Variants in EPHB1 observed in about 807,000 individuals in gnomAD.
EPHB1 encodes EPH receptor B1, also known as ephrin type-B receptor 1.
EPHB1 carries 30 observed loss-of-function variants against 94.4 expected under a neutral mutation model. The ratio of observed to expected loss-of-function variants is 0.32; its 90% CI spans 0.24 to 0.43. EPHB1 has a LOEUF of 0.43. Among genes scored for constraint, EPHB1 ranks in the 20% least tolerant of loss-of-function variants. The pLI is 1.00. For missense variants in EPHB1, 1,055 were observed against 1,308.3 expected, an observed-to-expected ratio of 0.81 and a Z score of 2.99; for synonymous variants, 522 against 489.1, an observed-to-expected ratio of 1.07 and a Z score of -0.89.
intron 3 of EPHB1, among the ~76,000 whole-genome samples, chr3:135,052,981 ATG>A (rs1300255342): frequency 9.1e-6 from 1 of 109,884 alleles, no homozygotes; most frequent in Non-Finnish European, 1.7e-5. Context: ...GTGTATATAT[ATG>A]TGTGTGTATA....
intron 1 of EPHB1, among the ~76,000 whole-genome samples, chr3:134,903,485 G>T (rs923334751): frequency 6.6e-6 from 1 of 152,222 alleles, no homozygotes; most frequent in Non-Finnish European, 1.5e-5. Context: ...GTGAGCACCG[G>T]CACTTTTAGC....
chr3:135,240,040 C>T (rs1943743805), intron 12 of EPHB1, among the ~76,000 whole-genome samples: 1 of 152,166 alleles, frequency 6.6e-6, no homozygotes, highest in Non-Finnish European at 1.5e-5. Context: ...TTAACCACCA[C>T]CAGAAACTGC....
intron 1 of EPHB1, among the ~76,000 whole-genome samples, chr3:134,904,249 C>T (rs147966497): frequency 1.6e-4 from 25 of 152,342 alleles, no homozygotes; most frequent in Admixed American, 4.6e-4. Flanking sequence ...CGCAACACAT[C>T]GCCTGTTTGC....
chr3:135,195,468 A>G (rs369049959), intron 11 of EPHB1, among the ~76,000 whole-genome samples: 2 of 151,328 alleles, frequency 1.3e-5, no homozygotes, highest in African/African-American at 2.5e-5. Flanking sequence ...ATATCTCCCA[A>G]TGCTATCCCT....
chr3:135,068,657 T>TG lies in EPHB1; in HGVS notation c.806-37791_806-37790insG, dbSNP rs368773116. ...GCACAGAAGTTTTTAATTTTTTTTT[T>TG]TTTGTTTTTGAGACTGAGTCTTGCT... On this transcript the variant is annotated intron_variant, in intron 3 of 15. Coordinates refer to ENST00000398015, the MANE Select transcript of EPHB1 (RefSeq NM_004441.5). Among the ~76,000 whole-genome samples the TG allele has an allele frequency of 6.3e-3, 927 of 147,330 alleles. 15 individuals are homozygous for TG. The highest frequency in any genetic ancestry group is 0.024 in the African/African-American group (900 of 37,044).
intron 3 of EPHB1, among the ~76,000 whole-genome samples, chr3:135,027,163 G>T (rs1298676416): frequency 2.0e-5 from 3 of 151,066 alleles, no homozygotes; most frequent in Non-Finnish European, 4.4e-5. Flanking sequence ...TCTGCAAACA[G>T]GGACAATTTG....
At chr3:135,001,288 G>C (rs1482482075) in intron 3 of EPHB1, among the ~76,000 whole-genome samples, 1 of 152,188 alleles carries the variant, frequency 6.6e-6, no homozygotes, top group East Asian at 1.9e-4. Context: ...GGAATCAAGA[G>C]GCTACAAGGC....
At chr3:135,144,217 A>C (rs1196936942) in intron 5 of EPHB1, among the ~76,000 whole-genome samples, 1 of 152,196 alleles carries the variant, frequency 6.6e-6, no homozygotes, top group South Asian at 2.1e-4. Flanking sequence ...GACTTGGGGA[A>C]GTCATTTTCC....
At chr3:134,845,108 TG>T (rs1333103966) in intron 1 of EPHB1, among the ~76,000 whole-genome samples, 2 of 152,256 alleles carry the variant, frequency 1.3e-5, no homozygotes, top group Non-Finnish European at 2.9e-5. Flanking sequence ...ATACTGGATG[TG>T]GAGTATTCTA....
chr3:135,193,109 A>T (rs915294107), intron 11 of EPHB1, among the ~76,000 whole-genome samples: 2 of 152,240 alleles, frequency 1.3e-5, no homozygotes, highest in African/African-American at 4.8e-5. Flanking sequence ...CATGAATCAC[A>T]GAGATTGAAG....
intron 12 of EPHB1, among the ~76,000 whole-genome samples, chr3:135,213,915 C>G (rs1943084620): frequency 6.6e-6 from 1 of 152,176 alleles, no homozygotes; most frequent in Non-Finnish European, 1.5e-5. Context: ...CAGCCGTGCT[C>G]TCTGCAGGCC....
At chr3:135,200,211 G>A (rs551818050) in intron 11 of EPHB1, among the ~76,000 whole-genome samples, 2 of 152,276 alleles carry the variant, frequency 1.3e-5, no homozygotes, top group East Asian at 3.9e-4. Flanking sequence ...TGATTTAACT[G>A]GTGTGTGCAA....
At chr3:134,812,465 G>A (rs2036195880) in intron 1 of EPHB1, among the ~76,000 whole-genome samples, 1 of 152,196 alleles carries the variant, frequency 6.6e-6, no homozygotes, top group African/African-American at 2.4e-5. Context: ...TTATTGCTGA[G>A]TAGCATTCCA....
rs202026055 is a variant in EPHB1, at chr3:135,133,048, C to T, written c.1296C>T (p.Ala432=). 1.6e-5 allele frequency: 26 copies of T among 1,581,810 alleles called. No homozygotes were observed. The highest frequency in any genetic ancestry group is 1.4e-4 in the East Asian group (6 of 44,282). ...HVSVNITTNQ[A]APSTVPIMHQ... Reference sequence around the variant, plus strand: ...CTGTCAACATCACCACAAACCAAGCCGGTAAGTCTGGAGGCTTCTGTGCTC... The same window carrying T: ...CTGTCAACATCACCACAAACCAAGCTGGTAAGTCTGGAGGCTTCTGTGCTC... The change falls in exon 5 of 16, where the codon GCC becomes GCT. Residue 432 remains alanine, a splice_region_variant and synonymous_variant. Transcript: ENST00000398015.
chr3:135,198,520 A>C (rs141223351), intron 11 of EPHB1, among the ~76,000 whole-genome samples: 1 of 152,286 alleles, frequency 6.6e-6, no homozygotes, highest in African/African-American at 2.4e-5. Flanking sequence ...ACAGGTGCCT[A>C]TCTGTTACCT....
intron 5 of EPHB1, among the ~76,000 whole-genome samples, chr3:135,137,898 G>T (rs1940677522): frequency 6.6e-6 from 1 of 152,104 alleles, no homozygotes; most frequent in Non-Finnish European, 1.5e-5. Context: ...ACAGATATTG[G>T]TTTCTCCAGT....
intron 13 of EPHB1, among the ~76,000 whole-genome samples, chr3:135,246,884 T>G (rs1410334326): frequency 6.6e-6 from 1 of 152,212 alleles, no homozygotes; most frequent in Non-Finnish European, 1.5e-5. Flanking sequence ...GGTTATCATT[T>G]TATCTCATGT....
At chr3:135,252,683 C>T (rs1334917880) in intron 15 of EPHB1, among the ~76,000 whole-genome samples, 2 of 141,924 alleles carry the variant, frequency 1.4e-5, no homozygotes, top group East Asian at 4.4e-4. Context: ...CATACGTTTG[C>T]ACGTGTCTTT....
At chr3:134,952,111 TC>T in intron 3 of EPHB1, 59 bp downstream of exon 3, 3 of 1,513,454 alleles carry the variant, frequency 2.0e-6, no homozygotes, top group Non-Finnish European at 2.7e-6. Flanking sequence ...CTGCAAGGTT[TC>T]CCCACCAATA....
Sources: gnomAD v4.1 joint callset for allele counts (sites outside exome capture counted in the v4.1 genomes callset) on GRCh38, gnomAD v4.1.1 for gene constraint, MANE v1.5 for transcripts, NCBI Gene and HGNC (gene_info 2026-07-23, HGNC 2026-07-21) for gene names.